Variants in CFAP70 observed in about 807,000 individuals in gnomAD.
The protein encoded by CFAP70 is cilia and flagella associated protein 70, also known as cilia- and flagella-associated protein 70.
In CFAP70, 81 loss-of-function variants were observed where a neutral mutation model predicts 137.6. The ratio of observed to expected loss-of-function variants is 0.59; its 90% confidence interval spans 0.49 to 0.71. The LOEUF is 0.71. CFAP70 is among the 30% of genes least tolerant of loss of function. The pLI is 0.00. For missense variants in CFAP70, 976 were observed against 1,226.7 expected, an observed-to-expected ratio of 0.80 and a Z score of 3.05; for synonymous variants, 382 against 423.6, an observed-to-expected ratio of 0.90 and a Z score of 1.20.
chr10:73,343,158 C>T (rs1194312776), intron 5 of CFAP70, among the ~76,000 whole-genome samples: 1 of 146,768 alleles, frequency 6.8e-6, no homozygotes, highest in Admixed American at 6.9e-5. Flanking sequence ...TGCAGTGTGC[C>T]GAGATCGCAC....
chr10:73,328,794 C>T (rs1369471180), intron 8 of CFAP70, among the ~76,000 whole-genome samples: 1 of 151,014 alleles, frequency 6.6e-6, no homozygotes, highest in Non-Finnish European at 1.5e-5. Context: ...AATGAGATAC[C>T]ATCTCACACC....
At chr10:73,303,293 C>T (rs1398228862) in intron 12 of CFAP70, among the ~76,000 whole-genome samples, 1 of 152,194 alleles carries the variant, frequency 6.6e-6, no homozygotes. Context: ...CCTTGGCTCA[C>T]TGCAAGCTCT....
intron 25 of CFAP70, among the ~76,000 whole-genome samples, chr10:73,266,603 G>A (rs1030797292): frequency 1.3e-5 from 2 of 151,918 alleles, no homozygotes; most frequent in Non-Finnish European, 2.9e-5. Context: ...TTAGATTTTG[G>A]GACATGTAGT....
chr10:73,274,528 C>A, exon 23 of CFAP70: 1 of 1,614,150 alleles, frequency 6.2e-7, no homozygotes, highest in South Asian at 1.1e-5. Context: ...TCATAGCATG[C>A]CTTGGCCTCA....
upstream of CFAP70, among the ~76,000 whole-genome samples, chr10:73,361,737 T>G (rs2055018138): frequency 6.6e-6 from 1 of 152,214 alleles, no homozygotes; most frequent in African/African-American, 2.4e-5. Context: ...TTGTTTCTAA[T>G]TAGCTAATTT....
intron 23 of CFAP70, 133 bp downstream of exon 24, chr10:73,274,300 C>G: frequency 9.6e-7 from 1 of 1,046,160 alleles, no homozygotes; most frequent in Non-Finnish European, 1.3e-6. Flanking sequence ...TGATGTTGGG[C>G]AAGTCACTTT....
intron 7 of CFAP70, among the ~76,000 whole-genome samples, chr10:73,332,133 A>G (rs1343124386): frequency 6.6e-6 from 1 of 152,250 alleles, no homozygotes; most frequent in Non-Finnish European, 1.5e-5. Context: ...GCTTAAAGAC[A>G]GCAGAAGTCA....
chr10:73,305,481 T>G (rs1204458452), intron 12 of CFAP70, among the ~76,000 whole-genome samples: 2 of 152,312 alleles, frequency 1.3e-5, no homozygotes, highest in South Asian at 2.1e-4. Context: ...CACTGATTGA[T>G]CTACAGGTTC....
At chr10:73,271,717 T>C (rs1213441489) in intron 24 of CFAP70, among the ~76,000 whole-genome samples, 1 of 152,084 alleles carries the variant, frequency 6.6e-6, no homozygotes, top group African/African-American at 2.4e-5. Context: ...TTTTTAGAGG[T>C]GAGGTTTTGC....
intron 12 of CFAP70, among the ~76,000 whole-genome samples, chr10:73,308,628 CAAAAA>C (rs201416589): frequency 1.6e-5 from 1 of 64,202 alleles, no homozygotes; most frequent in Non-Finnish European, 3.4e-5. Flanking sequence ...AACTCCGTCT[CAAAAA>C]AAAAAAAAAA....
At chr10:73,353,412 G>T in intron 3 of CFAP70, 144 bp downstream of exon 3, 1 of 754,018 alleles carries the variant, frequency 1.3e-6, no homozygotes, top group Non-Finnish European at 2.1e-6. Context: ...TTCCTGCCTT[G>T]CTTCTGGGAA....
exon 19 of CFAP70, chr10:73,291,337 T>C: frequency 6.2e-7 from 1 of 1,614,210 alleles, no homozygotes; most frequent in Non-Finnish European, 8.5e-7. Flanking sequence ...CCAGTGCTCT[T>C]TTGCTTTGTT....
intron 11 of CFAP70, among the ~76,000 whole-genome samples, chr10:73,311,438 T>C (rs772693599): frequency 1.3e-5 from 2 of 152,218 alleles, no homozygotes; most frequent in Non-Finnish European, 2.9e-5. Flanking sequence ...ACAGAACTTT[T>C]ATTTGTACCT....
intron 11 of CFAP70, 81 bp from the exon 13 acceptor site, chr10:73,310,330 A>G (rs1564821694): frequency 1.1e-6 from 1 of 898,850 alleles, no homozygotes; most frequent in Non-Finnish European, 1.7e-6. Flanking sequence ...GATGCTCACA[A>G]TATAATAAGT....
intron 19 of CFAP70, among the ~76,000 whole-genome samples, chr10:73,289,233 A>G (rs568720137): frequency 2.2e-4 from 34 of 152,336 alleles, no homozygotes; most frequent in African/African-American, 7.5e-4. Context: ...ACTCAAAAAA[A>G]GAGACATACT....
chr10:73,310,361 T>C (rs1322102395), intron 11 of CFAP70, 112 bp from the exon 13 acceptor site: 1 of 608,054 alleles, frequency 1.6e-6, no homozygotes, highest in African/African-American at 1.9e-5. Flanking sequence ...CATATATAAC[T>C]ACATATACAG....
intron 9 of CFAP70, among the ~76,000 whole-genome samples, chr10:73,315,823 C>T (rs1437926722): frequency 1.3e-5 from 2 of 152,200 alleles, no homozygotes; most frequent in Non-Finnish European, 2.9e-5. Context: ...TTTCAGCCTT[C>T]TAAAGTCCTG....
At chr10:73,332,631 A>G (rs765750502) in intron 7 of CFAP70, among the ~76,000 whole-genome samples, 3 of 152,340 alleles carry the variant, frequency 2.0e-5, no homozygotes, top group South Asian at 2.1e-4. Context: ...TTTCAATATA[A>G]TAACAATGAA....
chr10:73,322,904 A>C, intron 9 of CFAP70, 59 bp downstream of exon 10: 1 of 1,454,966 alleles, frequency 6.9e-7, no homozygotes, highest in South Asian at 1.4e-5. Context: ...TAAAGATGTA[A>C]GTAAACAGAT....
Sources: gnomAD v4.1 joint callset for allele counts (sites outside exome capture counted in the v4.1 genomes callset) on GRCh38, gnomAD v4.1.1 for gene constraint, MANE v1.5 for transcripts, NCBI Gene and HGNC (gene_info 2026-07-23, HGNC 2026-07-21) for gene names.